Variants in PPARGC1A observed in about 807,000 individuals in gnomAD.
The protein encoded by PPARGC1A is PPARG coactivator 1 alpha.
Under a neutral mutation model 88.7 loss-of-function variants are expected in PPARGC1A, and 25 were observed. The ratio of observed to expected loss-of-function variants is 0.28; its 90% CI spans 0.21 to 0.39. PPARGC1A has a LOEUF of 0.39. PPARGC1A is among the 10% of genes least tolerant of loss of function. PPARGC1A has a pLI of 1.00. For synonymous variants in PPARGC1A, 363 were observed against 355.6 expected (o/e 1.02, Z -0.24); for missense variants, 880 against 968.7 (o/e 0.91, Z 1.22).
At chr4:24,062,850 A>AT in the PPARGC1A span, among the ~76,000 whole-genome samples, 2 of 152,164 alleles carry the variant, frequency 1.3e-5, no homozygotes, top group Non-Finnish European at 2.9e-5. Flanking sequence ...TTAAATTCTT[A>AT]TTTTTTAGTC....
At chr4:24,243,690 G>A in the PPARGC1A span, among the ~76,000 whole-genome samples, 1 of 152,300 alleles carries the variant, frequency 6.6e-6, no homozygotes, top group African/African-American at 2.4e-5. Flanking sequence ...AAAGAGAGAT[G>A]TCAAAGATAA....
the PPARGC1A span, among the ~76,000 whole-genome samples, chr4:24,311,439 TC>T: frequency 7.0e-6 from 1 of 143,112 alleles, no homozygotes; most frequent in Admixed American, 6.9e-5. Flanking sequence ...ATCGAGACCA[TC>T]CTGGCTAACA....
chr4:24,447,795 G>T, the PPARGC1A span, among the ~76,000 whole-genome samples: 2 of 152,102 alleles, frequency 1.3e-5, no homozygotes, highest in Non-Finnish European at 2.9e-5. Context: ...GAAAACATCG[G>T]CATGAAACAG....
the PPARGC1A span, among the ~76,000 whole-genome samples, chr4:23,996,595 CTG>C: frequency 6.6e-6 from 1 of 152,022 alleles, no homozygotes; most frequent in Non-Finnish European, 1.5e-5. Context: ...CAACCCCACT[CTG>C]TTTCTCTTGA....
At chr4:24,446,379 C>T in the PPARGC1A span, among the ~76,000 whole-genome samples, 19 of 152,090 alleles carry the variant, frequency 1.2e-4, no homozygotes, top group Non-Finnish European at 2.4e-4. Context: ...GTGTCTTCTT[C>T]GGAGAAATGT....
the PPARGC1A span, among the ~76,000 whole-genome samples, chr4:24,333,940 C>CAAAAAAAA: frequency 7.2e-5 from 1 of 13,828 alleles, no homozygotes; most frequent in African/African-American, 1.9e-4. Context: ...ACAACAACAA[C>CAAAAAAAA]AAAAAAAAAA....
At chr4:23,918,083 C>A in the PPARGC1A span, among the ~76,000 whole-genome samples, 1 of 152,186 alleles carries the variant, frequency 6.6e-6, no homozygotes, top group East Asian at 1.9e-4. Flanking sequence ...GGCCTTTCAC[C>A]TGTTCAAGGC....
the PPARGC1A span, among the ~76,000 whole-genome samples, chr4:24,227,767 G>A: frequency 1.3e-5 from 2 of 152,146 alleles, no homozygotes; most frequent in Non-Finnish European, 2.9e-5. Context: ...CATTACCTGG[G>A]AGAGAAAATC....
At chr4:24,438,960 T>G in the PPARGC1A span, among the ~76,000 whole-genome samples, 2 of 152,102 alleles carry the variant, frequency 1.3e-5, no homozygotes, top group East Asian at 3.8e-4. Context: ...ATTATATAAT[T>G]TATTATAAAT....
At chr4:24,191,848 G>A in the PPARGC1A span, among the ~76,000 whole-genome samples, 1 of 152,206 alleles carries the variant, frequency 6.6e-6, no homozygotes, top group South Asian at 2.1e-4. Context: ...AATTATTTTT[G>A]AGTGCCTCAT....
chr4:24,329,008 G>A, the PPARGC1A span, among the ~76,000 whole-genome samples: 4 of 152,228 alleles, frequency 2.6e-5, no homozygotes, highest in African/African-American at 4.8e-5. Flanking sequence ...GAGCTTAGCA[G>A]GCACAGCTGA....
At chr4:23,860,581 A>C (rs1384475922) in intron 2 of PPARGC1A, among the ~76,000 whole-genome samples, 2 of 152,236 alleles carry the variant, frequency 1.3e-5, no homozygotes, top group African/African-American at 4.8e-5. Context: ...AAATATATAC[A>C]GTAACAAATA....
the PPARGC1A span, among the ~76,000 whole-genome samples, chr4:24,260,015 CT>C: frequency 6.6e-6 from 1 of 152,182 alleles, no homozygotes; most frequent in Non-Finnish European, 1.5e-5. Flanking sequence ...TCTCCTCTCC[CT>C]AGGCCTTTGT....
At chr4:24,001,408 A>G in the PPARGC1A span, among the ~76,000 whole-genome samples, 3 of 152,202 alleles carry the variant, frequency 2.0e-5, no homozygotes, top group African/African-American at 7.2e-5. Context: ...TGCCCTTGTA[A>G]GAAACAGAGA....
At chr4:23,841,861 A>T (rs1375389396) in intron 2 of PPARGC1A, among the ~76,000 whole-genome samples, 1 of 151,992 alleles carries the variant, frequency 6.6e-6, no homozygotes, top group East Asian at 1.9e-4. Flanking sequence ...ATAGCAGCTG[A>T]TCTTTACTAT....
At chr4:24,022,852 G>C in the PPARGC1A span, among the ~76,000 whole-genome samples, 2 of 152,142 alleles carry the variant, frequency 1.3e-5, no homozygotes, top group South Asian at 4.1e-4. Context: ...TGAAATTTCA[G>C]GGTTGTTTGT....
At chr4:24,210,501 C>T in the PPARGC1A span, among the ~76,000 whole-genome samples, 1 of 152,192 alleles carries the variant, frequency 6.6e-6, no homozygotes, top group African/African-American at 2.4e-5. Context: ...CAACAGTGAT[C>T]TATCCAATTA....
At chr4:24,339,718 G>T in the PPARGC1A span, among the ~76,000 whole-genome samples, 94 of 152,216 alleles carry the variant, frequency 6.2e-4, no homozygotes, top group African/African-American at 2.2e-3. Flanking sequence ...TATTTGGCAA[G>T]CCCTGTTTTA....
At chr4:23,853,982 C>T (rs1388779579) in intron 2 of PPARGC1A, among the ~76,000 whole-genome samples, 2 of 152,178 alleles carry the variant, frequency 1.3e-5, no homozygotes, top group Non-Finnish European at 2.9e-5. Context: ...AAATACCTGC[C>T]TCACAGGTTG....
Sources: allele counts gnomAD v4.1 joint callset (sites outside exome capture counted in the v4.1 genomes callset), GRCh38; gene constraint gnomAD v4.1.1; transcripts MANE v1.5; gene names NCBI Gene and HGNC (gene_info 2026-07-23, HGNC 2026-07-21).